The following ONECUT3 variants were observed in gnomAD, a reference collection of about 807,000 sequenced individuals.
ONECUT3 encodes one cut domain family member 3.
ONECUT3 carries 11 observed loss-of-function variants against 16.8 expected under a neutral mutation model. The observed-to-expected ratio is 0.66, with a 90% CI of 0.41 to 1.09. The LOEUF (loss-of-function observed/expected upper bound fraction) is 1.09. Among genes scored for constraint, ONECUT3 ranks in the 50% least tolerant of loss-of-function variants. The pLI is 0.00. For missense variants in ONECUT3, 637 were observed against 629.9 expected, an observed-to-expected ratio of 1.01 and a Z score of -0.12; for synonymous variants, 344 against 310.7, an observed-to-expected ratio of 1.11 and a Z score of -1.13.
Position 1,754,161 on chromosome 19 carries a change from A to C in ONECUT3, c.499A>C (p.Ser167Arg). ...PQRLAASVSG[S>R]FTLMRDERAA... ...GCGTCTGGCGGCCAGCGTGAGCGGCAGCTTCACCCTCATGCGCGACGAGCG... is the reference window on the plus strand; with the variant it reads ...GCGTCTGGCGGCCAGCGTGAGCGGCCGCTTCACCCTCATGCGCGACGAGCG... The change falls in exon 1 of 2, where the codon AGC (serine) becomes CGC (arginine). Residue 167 changes from serine to arginine, a missense_variant. By Grantham distance (110) the Ser-to-Arg change is moderately radical (BLOSUM62 -1). Coordinates refer to ENST00000382349, the MANE Select transcript of ONECUT3 (RefSeq NM_001080488.2). This position sits in a 1 kb window ranked among gnomAD's most constrained non-coding sequence, Gnocchi z 7.4. 9.6e-7 allele frequency: 1 copy of C among 1,046,882 alleles called. No individual in the cohort carries two copies. The highest frequency in any genetic ancestry group is 1.2e-6 in the Non-Finnish European group (1 of 869,374). The allele number at this position is 1,046,882 out of a possible 1,614,324, so 64.8% of individuals were successfully genotyped here.
chr19:1,776,716 G>C lies in ONECUT3; in HGVS notation c.*1271G>C, dbSNP rs537359156. 1.0e-3 allele frequency: 143 copies of C among 141,906 alleles called. 1 individual carries two copies. Among genetic ancestry groups the C allele is most frequent in the African/African-American group, 3.7e-3 (140 of 37,490 alleles). The allele number at this position is 141,906 out of a possible 1,614,324, so 8.8% of individuals were successfully genotyped here. A position where few individuals can be genotyped will look rare whatever the true frequency, so the allele number is the denominator to read the frequency against. On this transcript the variant is annotated 3_prime_UTR_variant, in exon 2 of 2. Transcript: ENST00000382349. This position sits in a 1 kb window ranked among gnomAD's most constrained non-coding sequence, Gnocchi z 4.9. ...GGGATCCCAGGAGCCCGCCTCCTCC[G>C]GGGGTTCAAGATCCGAGTCTAGAAG...
rs1456587813 is a variant in ONECUT3, at chr19:1,780,325, C to G, written c.*4880C>G. 6.6e-6 allele frequency: 1 copy of G among 152,164 alleles called. No homozygotes were observed. Among genetic ancestry groups the G allele is most frequent in the East Asian group, 1.9e-4 (1 of 5,182 alleles). The allele number at this position is 152,164 out of a possible 1,614,324, so 9.4% of individuals were successfully genotyped here. On this transcript the variant is annotated 3_prime_UTR_variant, in exon 2 of 2. Transcript: ENST00000382349. ...TTCGGAGCCTACAGAACAGAGGACT[C>G]CCCAAAATCATCAAAGGGGGCTCTG...
In ONECUT3 at chr19:1,759,612, A is replaced by T. The variant is rs1437877950; in HGVS notation, c.1192+4758A>T. ...CACGCCTCTTACGGACACCCCCAGA[A>T]AAATATGCCCCACGCCACTAGACAG... On this transcript the variant is annotated intron_variant, in intron 1 of 1. Coordinates refer to ENST00000382349, the MANE Select transcript of ONECUT3 (RefSeq NM_001080488.2). This position sits in a 1 kb window ranked among gnomAD's most constrained non-coding sequence, Gnocchi z 4.1. Among the ~76,000 whole-genome samples, 1 of 152,186 alleles carries T rather than the reference A, an allele frequency of 6.6e-6. No individual in the cohort carries two copies. Among genetic ancestry groups the T allele is most frequent in the Non-Finnish European group, 1.5e-5 (1 of 68,038 alleles).
intron 1 of ONECUT3, among the ~76,000 whole-genome samples, chr19:1,767,191 G>C (rs1360089089): frequency 6.6e-6 from 1 of 152,146 alleles, no homozygotes; most frequent in Non-Finnish European, 1.5e-5. Flanking sequence ...CTTCGTGGTT[G>C]GAAGGCAAGT....
At position 1,759,243 on chromosome 19, in the gene ONECUT3, TGGGGA is replaced by T. The variant is rs2067933592; in HGVS notation, c.1192+4390_1192+4394del. ...GGTGAGCAGGGGGGATGCCAGGGAC[TGGGGA>T]CCTGAGGGGAAGGACATGGAAAGGA... is the stretch of plus-strand genomic sequence containing the variant. On this transcript the variant is annotated intron_variant, in intron 1 of 1. Transcript: ENST00000382349. The surrounding 1 kb of genome is among the most constrained non-coding windows in gnomAD (Gnocchi z 4.1). Among the ~76,000 whole-genome samples, 2 of 152,112 alleles carry T rather than the reference TGGGGA, an allele frequency of 1.3e-5. No individual in the cohort carries two copies. The highest frequency in any genetic ancestry group is 4.8e-5 in the African/African-American group (2 of 41,402).
chr19:1,772,158 T>A (rs893225617), intron 1 of ONECUT3, among the ~76,000 whole-genome samples: 2 of 150,878 alleles, frequency 1.3e-5, no homozygotes, highest in African/African-American at 2.4e-5. Context: ...TCCAAGCACC[T>A]GCCACCACAC....
rs1251464533 is a variant in ONECUT3 at position 1,766,707 on chromosome 19, G to C, written c.1193-8446G>C. On this transcript the variant is annotated intron_variant, in intron 1 of 1. Transcript: ENST00000382349. This position sits in a 1 kb window ranked among gnomAD's most constrained non-coding sequence, Gnocchi z 4.0. ...ATTCAGGGCCCCTACTCAGCTACTG[G>C]CTTCCTGCTGAGGGCACTCGGGGAG... Among the ~76,000 whole-genome samples the C allele has an allele frequency of 1.3e-5, 2 of 152,090 alleles. No homozygotes were observed. The highest frequency in any genetic ancestry group is 1.5e-5 in the Non-Finnish European group (1 of 67,970).
chr19:1,767,857 T>G (rs1030617163), intron 1 of ONECUT3, among the ~76,000 whole-genome samples: 1 of 151,964 alleles, frequency 6.6e-6, no homozygotes, highest in Non-Finnish European at 1.5e-5. Context: ...GGCTCAGATG[T>G]GGGCATGGGG....
chr19:1,767,943 C>T (rs888515848), intron 1 of ONECUT3, among the ~76,000 whole-genome samples: 1 of 152,184 alleles, frequency 6.6e-6, no homozygotes, highest in Non-Finnish European at 1.5e-5. Flanking sequence ...CCAGATCCTC[C>T]TCATCCTTAG....
chr19:1,774,732 A>G (rs2068088977), intron 1 of ONECUT3, among the ~76,000 whole-genome samples: 2 of 140,158 alleles, frequency 1.4e-5, no homozygotes, highest in Non-Finnish European at 3.1e-5. Flanking sequence ...CTCCATGGAG[A>G]AGGGGGCTGG....
rs910309290 is a variant in ONECUT3, at chr19:1,764,569, G to A, written c.1192+9715G>A. Among the ~76,000 whole-genome samples, 7 of 151,944 alleles carry A rather than the reference G, an allele frequency of 4.6e-5. No homozygotes were observed. The highest frequency in any genetic ancestry group is 1.7e-4 in the African/African-American group (7 of 41,348). On this transcript the variant is annotated intron_variant, in intron 1 of 1. Transcript: ENST00000382349. The surrounding 1 kb of genome is among the most constrained non-coding windows in gnomAD (Gnocchi z 5.0). ...GGAGGGGTAGTGGGAACAGAGTGGG[G>A]CCAGATGAGGGGCTGGGGAGGCCTC...
In ONECUT3 at chr19:1,758,162, G is replaced by C. The variant is rs2067926746; in HGVS notation, c.1192+3308G>C. 6.6e-6 allele frequency among the ~76,000 whole-genome samples: 1 copy of C among 152,120 alleles called. No individual in the cohort carries two copies. The highest frequency in any genetic ancestry group is 2.4e-5 in the African/African-American group (1 of 41,422). ...GGAGGGGGAGACGGGGAGATGGAGA[G>C]AGAGGGAGGGGTCGCGAGACAAAAC... On this transcript the variant is annotated intron_variant, in intron 1 of 1. Coordinates refer to ENST00000382349, the MANE Select transcript of ONECUT3 (RefSeq NM_001080488.2). This position sits in a 1 kb window ranked among gnomAD's most constrained non-coding sequence, Gnocchi z 5.9.
At chr19:1,757,141 GGT>G (rs1016746265) in intron 1 of ONECUT3, among the ~76,000 whole-genome samples, 2 of 150,036 alleles carry the variant, frequency 1.3e-5, no homozygotes, top group African/African-American at 4.8e-5. Context: ...ATGGGGGGGG[GGT>G]GGGCTCCCCG....
Position 1,755,921 on chromosome 19 carries a change from G to T in ONECUT3, c.1192+1067G>T, listed in dbSNP as rs1387630023. On this transcript the variant is annotated intron_variant, in intron 1 of 1. Transcript: ENST00000382349. This position sits in a 1 kb window ranked among gnomAD's most constrained non-coding sequence, Gnocchi z 7.5. ...AGGAGGGCCCCTGGCCTAGGTGGGG[G>T]TTTCTTTCCCTGGTGGTGCTGGGGA... 6.6e-6 allele frequency among the ~76,000 whole-genome samples: 1 copy of T among 152,094 alleles called. No individual in the cohort carries two copies. Among genetic ancestry groups the T allele is most frequent in the African/African-American group, 2.4e-5 (1 of 41,410 alleles).
chr19:1,753,703 T>C lies in ONECUT3; in HGVS notation c.41T>C (p.Val14Ala), dbSNP rs1488472469. 3.8e-6 allele frequency: 4 copies of C among 1,043,034 alleles called. No homozygotes were observed. The highest frequency in any genetic ancestry group is 4.6e-6 in the Non-Finnish European group (4 of 869,440). The allele number at this position is 1,043,034 out of a possible 1,614,324, so 64.6% of individuals were successfully genotyped here. ...SLESLGGLHS[V>A]AHAQAGELLS... ...GAGAGCCTGGGGGGCCTGCACAGCG[T>C]GGCCCACGCGCAGGCGGGCGAGCTG... Residue 14 changes from valine (V) to alanine (A), a missense_variant, in exon 1 of 2, where the codon GTG becomes GCG. Physicochemically the swap from Val to Ala is moderately conservative, Grantham distance 64. This residue lies in a region of ONECUT3 where 419 missense variants were observed against 377.9 expected (regional missense o/e 1.11). Coordinates refer to ENST00000382349, the MANE Select transcript of ONECUT3 (RefSeq NM_001080488.2).
rs373097076 is a variant in ONECUT3 at position 1,766,957 on chromosome 19, C to T, written c.1193-8196C>T. Among the ~76,000 whole-genome samples, 197 of 151,948 alleles carry T rather than the reference C, an allele frequency of 1.3e-3. 2 individuals carry two copies. The South Asian group carries it at 0.04, about 31-fold the overall frequency. ...ACGAGGCTAAAAGGAGGAACAGTGGCCCCTGGGAGTCCCAGAGGAGGGGCC... is the reference window on the plus strand; with the variant it reads ...ACGAGGCTAAAAGGAGGAACAGTGGTCCCTGGGAGTCCCAGAGGAGGGGCC... On this transcript the variant is annotated intron_variant, in intron 1 of 1. Coordinates refer to ENST00000382349, the MANE Select transcript of ONECUT3 (RefSeq NM_001080488.2). This position sits in a 1 kb window ranked among gnomAD's most constrained non-coding sequence, Gnocchi z 4.0.
chr19:1,767,042 G>T (rs953841120), intron 1 of ONECUT3, among the ~76,000 whole-genome samples: 1 of 152,002 alleles, frequency 6.6e-6, no homozygotes, highest in Non-Finnish European at 1.5e-5. Context: ...GCTCCTGGGC[G>T]TTGAGGAATG....
intron 1 of ONECUT3, among the ~76,000 whole-genome samples, chr19:1,768,341 C>T (rs1461359964): frequency 3.3e-5 from 5 of 151,982 alleles, no homozygotes; most frequent in African/African-American, 1.2e-4. Context: ...TGCAAAGGAG[C>T]TGAGTGAGTG....
chr19:1,767,554 C>T (rs1176119978), intron 1 of ONECUT3, among the ~76,000 whole-genome samples: 1 of 152,198 alleles, frequency 6.6e-6, no homozygotes, highest in African/African-American at 2.4e-5. Flanking sequence ...AGTCCAGCCC[C>T]CTTTCCCCCG....
Sources: gnomAD v4.1 joint callset for allele counts (sites outside exome capture counted in the v4.1 genomes callset) on GRCh38, gnomAD v4.1.1 for gene constraint, gnomAD v4.1.1 regional missense constraint, Gnocchi (gnomAD v3.1) non-coding constraint, MANE v1.5 for transcripts, NCBI Gene and HGNC (gene_info 2026-07-23, HGNC 2026-07-21) for gene names.